CHKA: variants seen among roughly 807,000 people sequenced by gnomAD.
CHKA encodes the protein CHETK-alpha.
In CHKA, 34 loss-of-function variants were observed where a neutral mutation model predicts 60.1. That is an observed-to-expected ratio of 0.57 (90% CI 0.43 to 0.75). CHKA has a LOEUF of 0.75. CHKA is among the 30% of genes least tolerant of loss of function. The pLI is 0.00. For missense variants in CHKA, 563 were observed against 561.3 expected (o/e 1.00, Z -0.03); for synonymous variants, 217 against 223.1 (o/e 0.97, Z 0.24).
intron 11 of CHKA, chr11:68,061,719 A>C (rs1856253711): frequency 7.0e-6 from 4 of 571,432 alleles, no homozygotes; most frequent in Non-Finnish European, 1.3e-5. Context: ...GCTGGCCTGG[A>C]AGTGAGGGCA....
chr11:68,116,361 G>A (rs936882211), intron 1 of CHKA, among the ~76,000 whole-genome samples: 8 of 152,202 alleles, frequency 5.3e-5, no homozygotes, highest in African/African-American at 1.7e-4. Flanking sequence ...CCTGAGCCCA[G>A]GAGTTCTATA....
intron 2 of CHKA, among the ~76,000 whole-genome samples, chr11:68,084,247 CAAA>C (rs1280725198): frequency 4.0e-5 from 3 of 74,248 alleles, no homozygotes; most frequent in Non-Finnish European, 8.3e-5. Context: ...AACTCTGACT[CAAA>C]AAAAAAAAAA....
chr11:68,075,024 T>G (rs1156786349), intron 3 of CHKA, among the ~76,000 whole-genome samples, 194 bp from the exon 4 acceptor site: 1 of 152,246 alleles, frequency 6.6e-6, no homozygotes, highest in Non-Finnish European at 1.5e-5. Flanking sequence ...ATTTGCAGGA[T>G]TCATGCTTGC....
chr11:68,117,602 G>C (rs544540284), intron 1 of CHKA, among the ~76,000 whole-genome samples: 1 of 152,038 alleles, frequency 6.6e-6, no homozygotes, highest in African/African-American at 2.4e-5. Flanking sequence ...CACAAGAATC[G>C]CTCGAACCCA....
At chr11:68,076,541 T>C (rs2134568913) in intron 3 of CHKA, among the ~76,000 whole-genome samples, 1 of 152,208 alleles carries the variant, frequency 6.6e-6, no homozygotes. Context: ...GGCAGCACGG[T>C]CCTGGTGCTC....
In CHKA at chr11:68,121,158, G is replaced by A. The variant is rs1055901995; in HGVS notation, c.20C>T (p.Thr7Ile). Residue 7 changes from threonine (T) to isoleucine (I), a missense_variant, in exon 1 of 12, where the codon ACC becomes ATC. Coordinates refer to ENST00000265689, the MANE Select transcript of CHKA (RefSeq NM_001277.3). ...CGGCGAGGGCTCCGCCTCGCCCCCGGTGCAGAATTTGGTTTTCATGCCCGA... is the reference window on the plus strand; with the variant it reads ...CGGCGAGGGCTCCGCCTCGCCCCCGATGCAGAATTTGGTTTTCATGCCCGA... MKTKFCTGGEAEPSPLG... is the reference protein window; with the variant it reads MKTKFCIGGEAEPSPLG... The A allele has an allele frequency of 8.3e-7, 1 of 1,208,634 alleles. No homozygotes were observed. The highest frequency in any genetic ancestry group is 1.0e-6 in the Non-Finnish European group (1 of 964,210). 74.9% of individuals were successfully genotyped at this position (1,208,634 alleles called of 1,614,324 possible).
chr11:68,099,585 C>A (rs567499470), intron 1 of CHKA, among the ~76,000 whole-genome samples: 1 of 152,272 alleles, frequency 6.6e-6, no homozygotes, highest in South Asian at 2.1e-4. Flanking sequence ...GTGAAGCAGG[C>A]CGACAGCGTG....
In CHKA at chr11:68,066,414, A is replaced by C. The variant is rs763343537; in HGVS notation, c.1016+15T>G. 6.4e-7 allele frequency: 1 copy of C among 1,566,766 alleles called. No homozygotes were observed. Among genetic ancestry groups the C allele is most frequent in the Non-Finnish European group, 8.8e-7 (1 of 1,137,270 alleles). On this transcript the variant is annotated intron_variant, in intron 8 of 11. Transcript: ENST00000265689. ...ATCAATATTGAGATGGAAACACTGG[A>C]CTGTAACACAGTACCTGTAATTGTA...
chr11:68,114,676 G>A (rs1460352641), intron 1 of CHKA, among the ~76,000 whole-genome samples: 2 of 149,650 alleles, frequency 1.3e-5, no homozygotes, highest in South Asian at 2.1e-4. Context: ...CAGCCTCGGC[G>A]ACAGAGCGAG....
rs1444057901 is a variant in CHKA at position 68,120,881 on chromosome 11, C to T, written c.297G>A (p.Leu99=). The T allele has an allele frequency of 1.5e-6, 2 of 1,356,750 alleles. No individual in the cohort carries two copies. The highest frequency in any genetic ancestry group is 3.5e-5 in the East Asian group (1 of 28,274). 84.0% of individuals were successfully genotyped at this position (1,356,750 alleles called of 1,614,324 possible). The change falls in exon 1 of 12, where the codon CTG becomes CTA. Residue 99 remains leucine, a synonymous_variant. Coordinates refer to ENST00000265689, the MANE Select transcript of CHKA (RefSeq NM_001277.3). ...CGCGGAGGCCCCGCCAGGCGCCGGG[C>T]AGGAACTCCTTGCACCACAGATAGG... The part of the protein sequence containing the change: ...RRAYLWCKEF[L]PGAWRGLRED...
At chr11:68,100,321 G>A (rs1010526543) in intron 1 of CHKA, among the ~76,000 whole-genome samples, 7 of 152,146 alleles carry the variant, frequency 4.6e-5, no homozygotes, top group Non-Finnish European at 1.0e-4. Context: ...TGGATGTGGC[G>A]GCTCACGCCT....
At chr11:68,109,257 T>C (rs1159330932) in intron 1 of CHKA, among the ~76,000 whole-genome samples, 1 of 151,906 alleles carries the variant, frequency 6.6e-6, no homozygotes, top group Non-Finnish European at 1.5e-5. Context: ...ACTGGGCTAA[T>C]TTTTTGTATT....
chr11:68,074,278 T>C (rs368381805), intron 4 of CHKA, among the ~76,000 whole-genome samples: 1 of 151,666 alleles, frequency 6.6e-6, no homozygotes, highest in East Asian at 1.9e-4. Context: ...AGATGGGAGG[T>C]AGGGAGACTC....
Position 68,053,163 on chromosome 11 carries a change from G to T in CHKA, c.*825C>A. 1 of 157,736 alleles carries T rather than the reference G, an allele frequency of 6.3e-6. No homozygotes were observed. Among genetic ancestry groups the T allele is most frequent in the Non-Finnish European group, 1.4e-5 (1 of 70,834 alleles). The allele number at this position is 157,736 out of a possible 1,614,324, so 9.8% of individuals were successfully genotyped here. On this transcript the variant is annotated 3_prime_UTR_variant, in exon 12 of 12. Transcript: ENST00000265689. ...CCTACTCACAGGATCCGACACTCCA[G>T]GCAGAGCAGAGGGCAGGAGAGGCCC...
At chr11:68,111,643 A>G (rs1858145796) in intron 1 of CHKA, among the ~76,000 whole-genome samples, 1 of 152,206 alleles carries the variant, frequency 6.6e-6, no homozygotes, top group South Asian at 2.1e-4. Context: ...GATCAATGGA[A>G]CAGACTAGAG....
intron 2 of CHKA, among the ~76,000 whole-genome samples, chr11:68,092,361 T>C (rs1857378455): frequency 6.6e-6 from 1 of 152,104 alleles, no homozygotes; most frequent in Non-Finnish European, 1.5e-5. Flanking sequence ...ACCATAAATA[T>C]CTCCTTCCAT....
At chr11:68,084,402 G>GTA (rs1302044988) in intron 2 of CHKA, among the ~76,000 whole-genome samples, 8 of 81,302 alleles carry the variant, frequency 9.8e-5, no homozygotes, top group African/African-American at 3.3e-4. Flanking sequence ...ACACATATAC[G>GTA]TATATATGTG....
intron 2 of CHKA, among the ~76,000 whole-genome samples, chr11:68,084,377 T>C (rs1239024094): frequency 7.4e-6 from 1 of 135,032 alleles, no homozygotes; most frequent in Non-Finnish European, 1.6e-5. Context: ...TATACGTATA[T>C]GTGTATATAT....
intron 2 of CHKA, among the ~76,000 whole-genome samples, chr11:68,093,180 T>A (rs1857405273): frequency 6.6e-6 from 1 of 152,084 alleles, no homozygotes; most frequent in Non-Finnish European, 1.5e-5. Context: ...GCTATTTTTT[T>A]ATAGAGATAG....
Sources: allele counts gnomAD v4.1 joint callset (sites outside exome capture counted in the v4.1 genomes callset), GRCh38; gene constraint gnomAD v4.1.1; transcripts MANE v1.5; gene names NCBI Gene and HGNC (gene_info 2026-07-23, HGNC 2026-07-21).